The following HELZ2 variants were observed in gnomAD, a reference collection of about 807,000 sequenced individuals.
HELZ2 encodes the protein helicase with zinc finger 2, also known as 3'-5' exoribonuclease HELZ2.
In HELZ2, 143 loss-of-function variants were observed where a neutral mutation model predicts 208.8. The ratio of observed to expected loss-of-function variants is 0.68; its 90% CI spans 0.60 to 0.79. The LOEUF is 0.79. Ranked by LOEUF, HELZ2 falls within the 30% of genes least tolerant of loss-of-function variation. The pLI is 0.00. For synonymous variants in HELZ2, 1,705 were observed against 1,693.7 expected (o/e 1.01, Z -0.16); for missense variants, 3,690 against 3,794.5 (o/e 0.97, Z 0.72).
chr20:63,563,386 A>C, exon 8 of HELZ2: 9 of 1,536,572 alleles, frequency 5.9e-6, no homozygotes, highest in Non-Finnish European at 7.8e-6. Context: ...GCACAGTGCC[A>C]GGCAGTGGCA....
rs375387987 is a variant in HELZ2 at position 63,561,758 on chromosome 20, G to C, written c.6692-13C>G. 16 of 1,582,006 alleles carry C rather than the reference G, an allele frequency of 1.0e-5. No individual in the cohort carries two copies. The highest frequency in any genetic ancestry group is 2.7e-5 in the African/African-American group (2 of 74,116). On this transcript the variant is annotated splice_polypyrimidine_tract_variant and intron_variant, in intron 11 of 18. Transcript: ENST00000467148. ...CTCAGGAGCAGTCCTGAGGGTAGTTGGGGGACGTGAGTCCTGCCCCGCGTG... is the reference window on the plus strand; with the variant it reads ...CTCAGGAGCAGTCCTGAGGGTAGTTCGGGGACGTGAGTCCTGCCCCGCGTG...
At chr20:63,567,679 T>C (rs1391493296) in intron 5 of HELZ2, 52 bp from the exon 7 acceptor site, 40 of 1,550,418 alleles carry the variant, frequency 2.6e-5, no homozygotes, top group Non-Finnish European at 3.4e-5. Flanking sequence ...CTCAGTGCTG[T>C]CCGCTAAAGC....
At chr20:63,560,873 C>G (rs1450080880) in exon 15 of HELZ2, 6 of 1,613,176 alleles carry the variant, frequency 3.7e-6, no homozygotes, top group African/African-American at 1.3e-5. Context: ...CCAGGTTTTG[C>G]AGCCGCTCAT....
exon 8 of HELZ2, chr20:63,565,551 C>T: frequency 1.2e-6 from 2 of 1,607,132 alleles, no homozygotes; most frequent in Non-Finnish European, 1.7e-6. Context: ...AGCCCGTCCT[C>T]CCCGACGGTC....
At position 63,567,639 on chromosome 20, in the gene HELZ2, G is replaced by A; in HGVS notation, c.1731-12C>T. Reference sequence around the variant, plus strand: ...AGATGTCGGCGGCACTGCGGGAGGGGGAGGAGCTCATGGGCTTCTTGCTGG... The same window carrying A: ...AGATGTCGGCGGCACTGCGGGAGGGAGAGGAGCTCATGGGCTTCTTGCTGG... On this transcript the variant is annotated splice_polypyrimidine_tract_variant and intron_variant, in intron 5 of 18. Transcript: ENST00000467148. 1 of 1,596,304 alleles carries A rather than the reference G, an allele frequency of 6.3e-7. No individual in the cohort carries two copies. The highest frequency in any genetic ancestry group is 8.5e-7 in the Non-Finnish European group (1 of 1,173,922).
At chr20:63,572,180 G>A (rs758356625) in exon 1 of HELZ2, 54 of 1,609,928 alleles carry the variant, frequency 3.4e-5, no homozygotes, top group Non-Finnish European at 4.4e-5. Flanking sequence ...CTGGTCGAAG[G>A]CCACCATCTG....
chr20:63,564,967 C>G (rs766679874), exon 8 of HELZ2: 2 of 1,605,560 alleles, frequency 1.2e-6, no homozygotes, highest in South Asian at 2.2e-5. Context: ...CAGGCAGCAC[C>G]TCCCGGACGA....
exon 8 of HELZ2, chr20:63,564,331 G>T (rs1180238211): frequency 1.2e-5 from 19 of 1,584,962 alleles, no homozygotes; most frequent in Non-Finnish European, 1.6e-5. Flanking sequence ...GGCGGTGCCG[G>T]CGCAGCAGCC....
exon 8 of HELZ2, chr20:63,566,055 C>G (rs1421058451): frequency 6.3e-7 from 1 of 1,588,758 alleles, no homozygotes; most frequent in Admixed American, 1.7e-5. Flanking sequence ...TTGCCGCAGG[C>G]CCCGAAGGAG....
exon 8 of HELZ2, chr20:63,563,914 G>A (rs367779645): frequency 1.0e-5 from 16 of 1,593,396 alleles, no homozygotes; most frequent in Non-Finnish European, 1.3e-5. Flanking sequence ...TGCGGAGGTC[G>A]CGGCCTGCAG....
At chr20:63,569,997 G>A (rs1204079553) in intron 3 of HELZ2, 1 of 472,154 alleles carries the variant, frequency 2.1e-6, no homozygotes, top group Non-Finnish European at 3.9e-6. Flanking sequence ...TCGCCAGGCT[G>A]GAGTGCAATG....
chr20:63,569,026 T>TGGGGCCACAGCTGCCAGCCCCGCTGCC, intron 4 of HELZ2, 27 bp from the exon 6 acceptor site: 1 of 1,599,050 alleles, frequency 6.3e-7, no homozygotes, highest in Non-Finnish European at 8.5e-7. Flanking sequence ...GGTCAGCTCA[T>TGGGGCCACAGCTGCCAGCCCCGCTGCC]GGGGCCACAG....
chr20:63,572,569 C>A, upstream of HELZ2: 1 of 618,206 alleles, frequency 1.6e-6, no homozygotes, highest in South Asian at 2.1e-5. Context: ...AGGCTCCGTG[C>A]TCAGGGCACT....
At chr20:63,568,892 G>A (rs1368413530) in exon 5 of HELZ2, 1 of 1,611,602 alleles carries the variant, frequency 6.2e-7, no homozygotes, top group South Asian at 1.1e-5. Context: ...CATCAGGGAG[G>A]AGGGGACGGG....
In HELZ2 at chr20:63,560,716, G is replaced by T. The variant is rs200847088; in HGVS notation, c.7282-19C>A. 3 of 1,606,244 alleles carry T rather than the reference G, an allele frequency of 1.9e-6. No homozygotes were observed. Among genetic ancestry groups the T allele is most frequent in the Non-Finnish European group, 1.7e-6 (2 of 1,178,658 alleles). On this transcript the variant is annotated intron_variant, in intron 15 of 18. Coordinates refer to ENST00000467148, the Ensembl canonical transcript of HELZ2. ...CCTCATGCTGCAGGCAAGGATGTGC[G>T]CTGGTCAGAGGCTGCCACGCGGGGT... is the stretch of plus-strand genomic sequence containing the variant.
chr20:63,566,713 C>T, intron 6 of HELZ2, 131 bp downstream of exon 7: 1 of 951,228 alleles, frequency 1.1e-6, no homozygotes, highest in Non-Finnish European at 1.5e-6. Context: ...CACCTCAGCC[C>T]TGGGAGGCAA....
exon 17 of HELZ2, chr20:63,560,267 G>A (rs866206343): frequency 6.4e-7 from 1 of 1,563,468 alleles, no homozygotes; most frequent in Non-Finnish European, 8.6e-7. Context: ...TAGGGCGTGA[G>A]GACGGCGATG....
exon 8 of HELZ2, chr20:63,565,755 C>A (rs2082947747): frequency 6.2e-7 from 1 of 1,601,824 alleles, no homozygotes; most frequent in Non-Finnish European, 8.5e-7. Flanking sequence ...GCTGGTGCTG[C>A]CGCAGCCTCC....
chr20:63,567,084 G>A lies in HELZ2; in HGVS notation c.2274C>T (p.Tyr758=), dbSNP rs138297785. The A allele has an allele frequency of 7.6e-5, 122 of 1,612,042 alleles. No homozygotes were observed. The highest frequency in any genetic ancestry group is 9.6e-5 in the Non-Finnish European group (113 of 1,180,004). ...CGTGGATGGGGTTGCCCTTGGCCAC[G>A]TAGAAGTGCCGCGAGATGAAGCTGA... The change falls in exon 6 of 19, where the codon TAC becomes TAT. Residue 758 remains tyrosine (Y), a synonymous_variant. Coordinates refer to ENST00000467148, the Ensembl canonical transcript of HELZ2.
Sources: allele counts gnomAD v4.1 joint callset, GRCh38; gene constraint gnomAD v4.1.1; transcripts MANE v1.5; gene names NCBI Gene and HGNC (gene_info 2026-07-23, HGNC 2026-07-21).